The following CLDN2 variants were observed in gnomAD, a reference collection of about 807,000 sequenced individuals.
CLDN2 encodes claudin 2.
A neutral mutation model predicts 8.2 loss-of-function variants in CLDN2; 1 was observed. That is an observed-to-expected ratio of 0.12 (90% CI 0.04 to 0.58). The LOEUF is 0.58. Ranked by LOEUF, CLDN2 falls within the 20% of genes least tolerant of loss-of-function variation. The pLI, the probability that CLDN2 is intolerant of heterozygous loss-of-function variation, is 0.90. For missense variants in CLDN2, 108 were observed against 172.9 expected (o/e 0.62, Z 2.11); for synonymous variants, 70 against 70.2 (o/e 1.00, Z 0.01).
At chrX:106,901,635 T>C in intron 1 of CLDN2, 2 of 883,331 alleles carry the variant, frequency 2.3e-6, no homozygotes, top group Non-Finnish European at 3.3e-6. Flanking sequence ...AAAATGATCT[T>C]GAAGAGACCT....
chrX:106,923,140 A>G (rs755766734), intron 1 of CLDN2, among the ~76,000 whole-genome samples: 1 of 110,842 alleles, frequency 9.0e-6, no homozygotes, highest in Non-Finnish European at 1.9e-5. Flanking sequence ...ACGCCCAACT[A>G]ATTTTTGTAT....
chrX:106,914,855 T>A (rs766533541), upstream of CLDN2, among the ~76,000 whole-genome samples: 3 of 112,163 alleles, frequency 2.7e-5, no homozygotes, highest in East Asian at 8.4e-4. Flanking sequence ...TAAATTTGCA[T>A]AGATATTAAG....
At chrX:106,921,455 G>A (rs1357978363) in intron 1 of CLDN2, among the ~76,000 whole-genome samples, 1 of 111,714 alleles carries the variant, frequency 9.0e-6, no homozygotes, top group Non-Finnish European at 1.9e-5. Flanking sequence ...ATTCTTATGA[G>A]GGGCAGTGAG....
intron 1 of CLDN2, chrX:106,901,641 G>T: frequency 1.2e-6 from 1 of 828,723 alleles, no homozygotes; most frequent in Non-Finnish European, 1.8e-6. Context: ...ATCTTGAAGA[G>T]ACCTTAGACA....
chrX:106,924,604 A>G (rs1310690379), intron 1 of CLDN2, among the ~76,000 whole-genome samples: 3 of 110,690 alleles, frequency 2.7e-5, no homozygotes, highest in South Asian at 3.9e-4. Flanking sequence ...CGTATTGACT[A>G]TCAATCATGT....
upstream of CLDN2, chrX:106,920,281 A>G (rs955883339): frequency 7.3e-5 from 8 of 108,853 alleles, no homozygotes; most frequent in African/African-American, 2.4e-4. Flanking sequence ...AGAAAAAAAA[A>G]AACACACACA....
At chrX:106,928,011 T>A (rs1933493237) in intron 1 of CLDN2, 40 bp from the exon 2 acceptor site, 1 of 343,015 alleles carries the variant, frequency 2.9e-6, no homozygotes, top group East Asian at 4.2e-5. Context: ...TCTCATAAGC[T>A]TCTGGTCAAT....
At chrX:106,909,370 G>C (rs1933219053) in intron 1 of CLDN2, among the ~76,000 whole-genome samples, 2 of 111,425 alleles carry the variant, frequency 1.8e-5, no homozygotes, top group African/African-American at 3.3e-5. Flanking sequence ...CTGCCACTGG[G>C]GAGCAGTGGG....
At chrX:106,927,411 A>G (rs978153844) in intron 1 of CLDN2, among the ~76,000 whole-genome samples, 28 of 110,938 alleles carry the variant, frequency 2.5e-4, no homozygotes, top group African/African-American at 8.5e-4. Context: ...GGGAGCATCT[A>G]TTAGGAGACT....
At chrX:106,924,899 T>C (rs1029009829) in intron 1 of CLDN2, among the ~76,000 whole-genome samples, 1 of 108,542 alleles carries the variant, frequency 9.2e-6, no homozygotes, top group Admixed American at 1.0e-4. Context: ...AAAGTCCCTA[T>C]ATTTTAGTCA....
chrX:106,904,574 GA>G (rs371916348), intron 1 of CLDN2, among the ~76,000 whole-genome samples: 23 of 110,297 alleles, frequency 2.1e-4, no homozygotes, highest in African/African-American at 4.3e-4. Context: ...ACAGAAAATG[GA>G]AAAAAAAATC....
chrX:106,918,759 GGTGTT>G (rs1933348768), upstream of CLDN2, among the ~76,000 whole-genome samples: 1 of 111,453 alleles, frequency 9.0e-6, no homozygotes, highest in Non-Finnish European at 1.9e-5. Context: ...GGAGGGAGTT[GGTGTT>G]GTACACTGCA....
rs1933497671 is a variant in CLDN2 at position 106,928,256 on chromosome X, G to A, written c.28G>A (p.Gly10Ser). ...GGCCTCTCTTGGCCTCCAACTTGTG[G>A]GCTACATCCTAGGCCTTCTGGGGCT... MASLGLQLV[G>S]YILGLLGLLG... The change falls in exon 2 of 2, where the codon GGC becomes AGC. Residue 10 changes from glycine to serine, a missense_variant. By Grantham distance (56) the Gly-to-Ser change is moderately conservative. Transcript: ENST00000336803. 8.3e-7 allele frequency: 1 copy of A among 1,209,730 alleles called. No homozygotes were observed. The highest frequency in any genetic ancestry group is 1.7e-5 in the African/African-American group (1 of 57,339).
At chrX:106,900,580 C>A (rs1328147721) in intron 1 of CLDN2, 2 of 909,633 alleles carry the variant, frequency 2.2e-6, no homozygotes, top group South Asian at 3.0e-5. Context: ...ACTAATACTT[C>A]CGGCTAACTG....
At chrX:106,918,864 A>AT (rs1442444384), upstream of CLDN2, among the ~76,000 whole-genome samples, 1 of 111,518 alleles carries the variant, frequency 9.0e-6, no homozygotes, top group Admixed American at 9.5e-5. Flanking sequence ...TTTTCATCTC[A>AT]TTGGGCCGAG....
chrX:106,921,100 A>C (rs970515570), intron 1 of CLDN2, among the ~76,000 whole-genome samples: 1 of 112,496 alleles, frequency 8.9e-6, no homozygotes, highest in African/African-American at 3.2e-5. Context: ...GCCCTCTTTG[A>C]AAATGCAGTT....
intron 1 of CLDN2, among the ~76,000 whole-genome samples, chrX:106,909,974 A>G (rs1933227807): frequency 9.0e-6 from 1 of 110,882 alleles, no homozygotes; most frequent in Non-Finnish European, 1.9e-5. Flanking sequence ...GGCAGGAGGG[A>G]GGTGTTTGGA....
At chrX:106,902,814 T>C (rs1056779300) in intron 1 of CLDN2, among the ~76,000 whole-genome samples, 10 of 111,980 alleles carry the variant, frequency 8.9e-5, no homozygotes, top group African/African-American at 1.3e-4. Context: ...ACCCCCACAG[T>C]CTAGATTGTG....
intron 1 of CLDN2, chrX:106,903,271 C>G (rs775849540): frequency 8.3e-7 from 1 of 1,205,221 alleles, no homozygotes; most frequent in Non-Finnish European, 1.1e-6. Context: ...AGCAGCAGCA[C>G]AGGCAGCAGA....
Sources: gnomAD v4.1 joint callset for allele counts (sites outside exome capture counted in the v4.1 genomes callset) on GRCh38, gnomAD v4.1.1 for gene constraint, MANE v1.5 for transcripts, NCBI Gene and HGNC (gene_info 2026-07-23, HGNC 2026-07-21) for gene names.